AFAP1L1: variants seen among roughly 807,000 people sequenced by gnomAD.
AFAP1L1 encodes the protein actin filament-associated protein 1-like 1.
A neutral mutation model predicts 99.8 loss-of-function variants in AFAP1L1; 77 were observed. That is an observed-to-expected ratio of 0.77 (90% CI 0.64 to 0.93). The LOEUF (loss-of-function observed/expected upper bound fraction) is 0.93, where lower values mean the gene tolerates loss of function less well. Among genes scored for constraint, AFAP1L1 ranks in the 40% least tolerant of loss-of-function variants. The pLI, the probability that AFAP1L1 is intolerant of heterozygous loss-of-function variation, is 0.00. For synonymous variants in AFAP1L1, 373 were observed against 395.3 expected (o/e 0.94, Z 0.67); for missense variants, 893 against 996.8 (o/e 0.90, Z 1.40).
chr5:149,316,941 G>A (rs1756814830), intron 11 of AFAP1L1, among the ~76,000 whole-genome samples: 1 of 152,192 alleles, frequency 6.6e-6, no homozygotes, highest in Non-Finnish European at 1.5e-5. Flanking sequence ...GAGGAGGGAG[G>A]ATCACTTGAG....
chr5:149,300,216 G>A (rs2127593958), intron 2 of AFAP1L1, 55 bp from the exon 3 acceptor site: 1 of 1,360,322 alleles, frequency 7.4e-7, no homozygotes. Context: ...AGTGGGACGG[G>A]GGAGACCTGG....
At position 149,343,069 on chromosome 5, in the gene AFAP1L1, T is replaced by G. The variant is rs1757602428; in HGVS notation, c.*3039T>G. Among the ~76,000 whole-genome samples the G allele has an allele frequency of 6.6e-6, 1 of 152,228 alleles. No individual in the cohort carries two copies. The highest frequency in any genetic ancestry group is 6.5e-5 in the Admixed American group (1 of 15,280). On this transcript the variant is annotated 3_prime_UTR_variant, in exon 19 of 19. Coordinates refer to ENST00000296721, the MANE Select transcript of AFAP1L1 (RefSeq NM_152406.4). The stretch of plus-strand genomic sequence containing the variant: ...TTACCAACCTTTCTGAGCCTCAATT[T>G]TCTCATATGTAAAAGAGAATCATAA...
At chr5:149,295,631 TG>T (rs1432744851) in intron 1 of AFAP1L1, among the ~76,000 whole-genome samples, 1 of 136,244 alleles carries the variant, frequency 7.3e-6, no homozygotes, top group African/African-American at 2.8e-5. Flanking sequence ...GGGAGGGAAG[TG>T]GGGAAGGAGG....
intron 7 of AFAP1L1, among the ~76,000 whole-genome samples, chr5:149,309,046 A>C (rs891097485): frequency 1.3e-5 from 2 of 152,090 alleles, no homozygotes; most frequent in African/African-American, 4.8e-5. Context: ...GGGAGTTTGA[A>C]GCTGCAGTGA....
intron 1 of AFAP1L1, among the ~76,000 whole-genome samples, chr5:149,294,583 G>A (rs998572976): frequency 2.0e-5 from 3 of 152,144 alleles, no homozygotes; most frequent in African/African-American, 7.2e-5. Context: ...TGTTAATTCA[G>A]GTATTTGCTT....
At chr5:149,325,822 G>T (rs952709735) in intron 15 of AFAP1L1, among the ~76,000 whole-genome samples, 1 of 152,120 alleles carries the variant, frequency 6.6e-6, no homozygotes, top group Non-Finnish European at 1.5e-5. Context: ...AAAATGGAAG[G>T]GCAAAGAGGC....
chr5:149,291,524 CAAAAAA>C (rs1229134807), intron 1 of AFAP1L1, among the ~76,000 whole-genome samples: 1 of 13,396 alleles, frequency 7.5e-5, no homozygotes, highest in African/African-American at 2.3e-4. Flanking sequence ...GACTCCGTCT[CAAAAAA>C]AAAAAAAAAA....
intron 12 of AFAP1L1, among the ~76,000 whole-genome samples, chr5:149,318,300 A>G (rs919506272): frequency 6.6e-6 from 1 of 152,220 alleles, no homozygotes; most frequent in African/African-American, 2.4e-5. Flanking sequence ...CCCCAGAACC[A>G]AGGTTTGTTT....
At position 149,300,360 on chromosome 5, in the gene AFAP1L1, T is replaced by C; in HGVS notation, c.229+6T>C. The C allele has an allele frequency of 1.2e-6, 2 of 1,611,666 alleles. No homozygotes were observed. The highest frequency in any genetic ancestry group is 1.3e-5 in the African/African-American group (1 of 74,982). ...ATCCCTCTTTGAAGAATTTGGTAAG[T>C]GACCCTCTCCCAACCTCAGCTACGG... On this transcript the variant is annotated splice_donor_region_variant and intron_variant, in intron 3 of 18. Transcript: ENST00000296721.
intron 1 of AFAP1L1, among the ~76,000 whole-genome samples, chr5:149,292,021 G>A (rs766664248): frequency 5.1e-4 from 78 of 152,170 alleles, no homozygotes; most frequent in Non-Finnish European, 6.9e-4. Context: ...TAGTGAGGTG[G>A]GGAAAAGAGA....
rs113627845 is a variant in AFAP1L1, at chr5:149,301,232, T to C, written c.327+2T>C. The C allele has an allele frequency of 1.2e-6, 2 of 1,613,554 alleles. No individual in the cohort carries two copies. Among genetic ancestry groups the C allele is most frequent in the Non-Finnish European group, 1.7e-6 (2 of 1,179,686 alleles). ...GCCAAGAGCCCACGCCTGAGAAACGTGAGTCATGGCCTGGGTTCCCACACC... is the reference window on the plus strand; with the variant it reads ...GCCAAGAGCCCACGCCTGAGAAACGCGAGTCATGGCCTGGGTTCCCACACC... On this transcript the variant is annotated splice_donor_variant, in intron 4 of 18. Transcript: ENST00000296721. LOFTEE classifies it high-confidence loss of function.
At chr5:149,317,027 T>C (rs1288107802) in intron 11 of AFAP1L1, among the ~76,000 whole-genome samples, 1 of 151,854 alleles carries the variant, frequency 6.6e-6, no homozygotes, top group Admixed American at 6.6e-5. Flanking sequence ...TAGCCAGGCA[T>C]GGTGGTGTAT....
chr5:149,329,392 T>C (rs537958927), intron 15 of AFAP1L1, among the ~76,000 whole-genome samples: 15 of 152,320 alleles, frequency 9.8e-5, no homozygotes, highest in Admixed American at 5.2e-4. Flanking sequence ...CACTTTTGCC[T>C]AATGTCACAC....
chr5:149,319,305 C>CTT (rs1756885896), intron 12 of AFAP1L1, among the ~76,000 whole-genome samples: 1 of 152,048 alleles, frequency 6.6e-6, no homozygotes, highest in Admixed American at 6.6e-5. Context: ...GGGGAAGGCT[C>CTT]TGAGAATGGA....
At chr5:149,326,958 T>C (rs1443799644) in intron 15 of AFAP1L1, among the ~76,000 whole-genome samples, 1 of 151,796 alleles carries the variant, frequency 6.6e-6, no homozygotes, top group Non-Finnish European at 1.5e-5. Context: ...AATAAGAAAA[T>C]AACAACCCAA....
chr5:149,275,929 C>T (rs1056244864), intron 1 of AFAP1L1, among the ~76,000 whole-genome samples: 55 of 152,224 alleles, frequency 3.6e-4, no homozygotes, highest in African/African-American at 1.3e-3. Flanking sequence ...GGGGTTAGGG[C>T]TTCAACATAT....
chr5:149,299,025 A>G (rs1756102008), intron 1 of AFAP1L1, among the ~76,000 whole-genome samples: 1 of 152,260 alleles, frequency 6.6e-6, no homozygotes, highest in Non-Finnish European at 1.5e-5. Flanking sequence ...CACCGGAAAC[A>G]GAAGGTTCCA....
chr5:149,302,411 C>T lies in AFAP1L1; in HGVS notation c.328-7C>T, dbSNP rs1263353251. The T allele has an allele frequency of 6.4e-7, 1 of 1,568,646 alleles. No homozygotes were observed. The highest frequency in any genetic ancestry group is 8.6e-7 in the Non-Finnish European group (1 of 1,156,822). ...CTCCCCTAGCCCTCTTTTTTGTCCC[C>T]TTGCAGGCGGCCGACCTGCCTCCAC... On this transcript the variant is annotated splice_polypyrimidine_tract_variant and splice_region_variant and intron_variant, in intron 4 of 18. Coordinates refer to ENST00000296721, the MANE Select transcript of AFAP1L1 (RefSeq NM_152406.4).
intron 1 of AFAP1L1, among the ~76,000 whole-genome samples, chr5:149,290,029 C>A (rs1052355884): frequency 1.3e-5 from 2 of 152,128 alleles, no homozygotes; most frequent in Non-Finnish European, 2.9e-5. Context: ...GTCAGGAGAT[C>A]GAGACCATCC....
Sources: gnomAD v4.1 joint callset for allele counts (sites outside exome capture counted in the v4.1 genomes callset) on GRCh38, gnomAD v4.1.1 for gene constraint, MANE v1.5 for transcripts, NCBI Gene and HGNC (gene_info 2026-07-23, HGNC 2026-07-21) for gene names.